The following MAP9 variants were observed in gnomAD, a reference collection of about 807,000 sequenced individuals.
MAP9 encodes microtubule-associated protein 9.
MAP9 carries 80 observed loss-of-function variants against 75.2 expected under a neutral mutation model. That is an observed-to-expected ratio of 1.06 (90% CI 0.89 to 1.28). MAP9 has a LOEUF of 1.28. Ranked by LOEUF, MAP9 falls within the 50% of genes most tolerant of loss-of-function variation. The probability of loss-of-function intolerance (pLI) is 0.00; values close to 1 mark genes in which losing one functional copy is unlikely to be tolerated. For missense variants in MAP9, 753 were observed against 719.9 expected, an observed-to-expected ratio of 1.05 and a Z score of -0.53; for synonymous variants, 235 against 237.3, an observed-to-expected ratio of 0.99 and a Z score of 0.09.
chr4:155,356,646 G>A (rs1014523544), intron 8 of MAP9, among the ~76,000 whole-genome samples: 1 of 152,028 alleles, frequency 6.6e-6, no homozygotes, highest in Non-Finnish European at 1.5e-5. Flanking sequence ...GGAAAATTTG[G>A]CCAGCCATTG....
rs894272999 is a variant in MAP9, at chr4:155,372,943, T to C, written c.481+193A>G. 9.1e-6 allele frequency: 4 copies of C among 439,710 alleles called. No individual in the cohort carries two copies. The Admixed American group carries it at 1.7e-4, about 19-fold the overall frequency. The allele number at this position is 439,710 out of a possible 1,614,324, so 27.2% of individuals were successfully genotyped here. A position where few individuals can be genotyped will look rare whatever the true frequency, so the allele number is the denominator to read the frequency against. The stretch of plus-strand genomic sequence containing the variant: ...TGCAAGACAAAATACAACAGGTCTG[T>C]AAAATTGAAGTTAGACAAAATACAA... On this transcript the variant is annotated intron_variant, in intron 4 of 13. Transcript: ENST00000311277.
intron 4 of MAP9, 149 bp from the exon 5 acceptor site, chr4:155,368,961 T>C (rs1345147726): frequency 4.8e-6 from 3 of 623,792 alleles, no homozygotes; most frequent in East Asian, 2.7e-5. Flanking sequence ...CTCTTCTCTA[T>C]ACAGAGCTCT....
intron 4 of MAP9, among the ~76,000 whole-genome samples, chr4:155,371,313 G>T (rs913327524): frequency 6.6e-6 from 1 of 151,408 alleles, no homozygotes; most frequent in African/African-American, 2.4e-5. Context: ...AGAATTTAGA[G>T]GATAAACTCA....
Position 155,347,611 on chromosome 4 carries a change from C to A in MAP9, c.*172G>T. 1.7e-6 allele frequency: 1 copy of A among 596,476 alleles called. No homozygotes were observed. Among genetic ancestry groups the A allele is most frequent in the South Asian group, 3.6e-5 (1 of 27,602 alleles). The allele number at this position is 596,476 out of a possible 1,614,324, so 36.9% of individuals were successfully genotyped here. On this transcript the variant is annotated 3_prime_UTR_variant, in exon 14 of 14. Transcript: ENST00000311277. ...TGTTTGAGGCAGTTTATCTACAGTT[C>A]AAAAAAATGCTTTCACTGATTACAT... is the stretch of plus-strand genomic sequence containing the variant.
chr4:155,353,700 GA>G (rs962801096), intron 10 of MAP9, among the ~76,000 whole-genome samples: 23 of 150,510 alleles, frequency 1.5e-4, no homozygotes, highest in East Asian at 7.8e-4. Context: ...TAAAATATTT[GA>G]AAAAAAAATC....
intron 5 of MAP9, among the ~76,000 whole-genome samples, chr4:155,365,991 T>G (rs928525732): frequency 6.6e-6 from 1 of 152,132 alleles, no homozygotes; most frequent in Non-Finnish European, 1.5e-5. Context: ...TTTCAACAGG[T>G]TTAGCAGAAA....
chr4:155,368,733 G>A lies in MAP9; in HGVS notation c.561C>T (p.His187=). The change falls in exon 5 of 14, where the codon CAC becomes CAT. Residue 187 remains histidine (H), a synonymous_variant. Coordinates refer to ENST00000311277, the MANE Select transcript of MAP9 (RefSeq NM_001039580.2). ...CTTCTAGTCCATCCTTCTCCTCCATGTGACTTTTCTTTTTCAACATACTCC... is the reference window on the plus strand; with the variant it reads ...CTTCTAGTCCATCCTTCTCCTCCATATGACTTTTCTTTTTCAACATACTCC... ...RPRSMLKKKS[H]MEEKDGLEDK... 6.2e-7 allele frequency: 1 copy of A among 1,614,052 alleles called. No homozygotes were observed. Among genetic ancestry groups the A allele is most frequent in the South Asian group, 1.1e-5 (1 of 91,082 alleles).
intron 8 of MAP9, among the ~76,000 whole-genome samples, chr4:155,356,892 T>G (rs1404216785): frequency 6.6e-6 from 1 of 152,216 alleles, no homozygotes; most frequent in Non-Finnish European, 1.5e-5. Context: ...AGGTTTTTGA[T>G]TAGCACTTAT....
intron 5 of MAP9, chr4:155,368,145 G>A (rs1732414000): frequency 9.8e-6 from 2 of 203,330 alleles, no homozygotes; most frequent in East Asian, 2.3e-4. Context: ...CACATTTGTT[G>A]AGTGAATAAA....
Position 155,344,214 on chromosome 4 carries a change from G to A in MAP9, c.*3569C>T, listed in dbSNP as rs897273507. ...GTACCCAAATAGCTTTGATCTGGTGGACAGTTATGAAGGCAGCAGTGGAGG... is the reference window on the plus strand; with the variant it reads ...GTACCCAAATAGCTTTGATCTGGTGAACAGTTATGAAGGCAGCAGTGGAGG... On this transcript the variant is annotated 3_prime_UTR_variant, in exon 14 of 14. Coordinates refer to ENST00000311277, the MANE Select transcript of MAP9 (RefSeq NM_001039580.2). 6.6e-6 allele frequency: 1 copy of A among 151,864 alleles called. No homozygotes were observed. Among genetic ancestry groups the A allele is most frequent in the East Asian group, 1.9e-4 (1 of 5,188 alleles). The allele number at this position is 151,864 out of a possible 1,614,324, so 9.4% of individuals were successfully genotyped here.
At chr4:155,373,862 TTTAA>T (rs1451981413) in intron 3 of MAP9, among the ~76,000 whole-genome samples, 1 of 152,208 alleles carries the variant, frequency 6.6e-6, no homozygotes, top group Non-Finnish European at 1.5e-5. Context: ...AATGGAAGAA[TTTAA>T]TTAGTAATTA....
At chr4:155,362,196 T>C (rs1732115968) in intron 5 of MAP9, 55 bp from the exon 6 acceptor site, 2 of 1,032,178 alleles carry the variant, frequency 1.9e-6, no homozygotes, top group Admixed American at 4.8e-5. Context: ...TTAACATTTA[T>C]GGGAACAATA....
At chr4:155,369,107 G>A (rs1215720513) in intron 4 of MAP9, among the ~76,000 whole-genome samples, 1 of 152,114 alleles carries the variant, frequency 6.6e-6, no homozygotes, top group Non-Finnish European at 1.5e-5. Context: ...CAGATCATGA[G>A]GTCAGGAGTT....
Position 155,362,110 on chromosome 4 carries a change from G to A in MAP9, c.740C>T (p.Ser247Leu). Residue 247 changes from serine (S) to leucine (L), a missense_variant, in exon 6 of 14, where the codon TCA becomes TTA. Transcript: ENST00000311277. ...DSCLTSLASS[S>L]LKQILGDSFS... ...AGAATCTCCAAGAATTTGTTTAAGT[G>A]ATGATGATGCTAGACTTGTTAAGCA... 6.3e-7 allele frequency: 1 copy of A among 1,596,340 alleles called. No homozygotes were observed. Among genetic ancestry groups the A allele is most frequent in the South Asian group, 1.1e-5 (1 of 87,102 alleles).
chr4:155,357,503 C>A lies in MAP9; in HGVS notation c.1067G>T (p.Arg356Ile). The A allele has an allele frequency of 6.5e-7, 1 of 1,526,908 alleles. No homozygotes were observed. The highest frequency in any genetic ancestry group is 9.1e-7 in the Non-Finnish European group (1 of 1,102,254). The allele number at this position is 1,526,908 out of a possible 1,614,324, so 94.6% of individuals were successfully genotyped here. A position where few individuals can be genotyped will look rare whatever the true frequency, so the allele number is the denominator to read the frequency against. ...TASSKKTIED[R>I]NIKNKKSTNN... ...TGTTGACTTTTTATTCTTTATATTT[C>A]TATCTTCAATTGTTTTCTATTAAAC... The change falls in exon 8 of 14, where the codon AGA (arginine) becomes ATA (isoleucine). Residue 356 changes from arginine (R) to isoleucine (I), a missense_variant. Coordinates refer to ENST00000311277, the MANE Select transcript of MAP9 (RefSeq NM_001039580.2).
chr4:155,361,946 A>T, intron 6 of MAP9, 102 bp downstream of exon 6: 1 of 727,170 alleles, frequency 1.4e-6, no homozygotes, highest in Non-Finnish European at 2.2e-6. Context: ...ACATAAAAAC[A>T]TATATTTCTC....
Position 155,375,006 on chromosome 4 carries a change from C to T in MAP9, c.91G>A (p.Ala31Thr), listed in dbSNP as rs1045326137. The change falls in exon 3 of 14, where the codon GCA becomes ACA. Residue 31 changes from alanine to threonine, a missense_variant. Transcript: ENST00000311277. ...TGTCTGGCTGAGCGAGCTGTAATTG[C>T]TCTTATTAGCTCATCCTGAAATGAG... is the stretch of plus-strand genomic sequence containing the variant. ...RTTFQDELIR[A>T]ITARSARQRS... is the part of the protein sequence containing the mutation. 4 of 1,574,384 alleles carry T rather than the reference C, an allele frequency of 2.5e-6. No individual in the cohort carries two copies. The South Asian group carries it at 3.4e-5, about 14-fold the overall frequency.
At chr4:155,370,972 C>A (rs1732567362) in intron 4 of MAP9, among the ~76,000 whole-genome samples, 1 of 152,106 alleles carries the variant, frequency 6.6e-6, no homozygotes, top group African/African-American at 2.4e-5. Flanking sequence ...AAAATGAGAA[C>A]AAAGAGGTCT....
chr4:155,363,606 T>A (rs551254449), intron 5 of MAP9, among the ~76,000 whole-genome samples: 17 of 152,174 alleles, frequency 1.1e-4, no homozygotes, highest in African/African-American at 4.1e-4. Context: ...AAATCTGAAG[T>A]TGAACACCAC....
Sources: allele counts gnomAD v4.1 joint callset (sites outside exome capture counted in the v4.1 genomes callset), GRCh38; gene constraint gnomAD v4.1.1; transcripts MANE v1.5; gene names NCBI Gene and HGNC (gene_info 2026-07-23, HGNC 2026-07-21).